The following DNAJB1 variants were observed in gnomAD, a reference collection of about 807,000 sequenced individuals.
DNAJB1 encodes the protein dnaJ homolog subfamily B member 1.
In DNAJB1, 14 loss-of-function variants were observed where a neutral mutation model predicts 24.0. The observed-to-expected ratio is 0.58, with a 90% CI of 0.39 to 0.91. The LOEUF is 0.91. Among genes scored for constraint, DNAJB1 ranks in the 40% least tolerant of loss-of-function variants. DNAJB1 has a pLI of 0.00. For synonymous variants in DNAJB1, 262 were observed against 174.4 expected (o/e 1.50, Z -3.96); for missense variants, 517 against 458.1 (o/e 1.13, Z -1.17).
chr19:14,516,477 T>C lies in DNAJB1; in HGVS notation c.781A>G (p.Ser261Gly), dbSNP rs768852879. Residue 261 changes from serine to glycine, a missense_variant, in exon 2 of 3, where the codon AGC (serine) becomes GGC (glycine). By Grantham distance (56) the Ser-to-Gly change is moderately conservative. Coordinates refer to ENST00000254322, the MANE Select transcript of DNAJB1 (RefSeq NM_006145.3). ...ACCTGGCACCTTACCTCCCGGAGGCTGATCCTGGCAGGATAAATGACATCA... is the reference window on the plus strand; with the variant it reads ...ACCTGGCACCTTACCTCCCGGAGGCCGATCCTGGCAGGATAAATGACATCA... Reference protein sequence around the residue: ...GSDVIYPARISLREALCGCTV... With the variant: ...GSDVIYPARIGLREALCGCTV... 4 of 1,611,294 alleles carry C rather than the reference T, an allele frequency of 2.5e-6. No homozygotes were observed. The African/African-American group carries it at 4.0e-5, about 16-fold the overall frequency.
intron 1 of DNAJB1, chr19:14,544,993 C>T (rs2073250612): frequency 7.1e-6 from 3 of 424,108 alleles, no homozygotes; most frequent in Non-Finnish European, 4.8e-6. Flanking sequence ...CCTTTTCACT[C>T]CTTCCCTTCT....
chr19:14,516,417 A>G (rs1299724969), intron 2 of DNAJB1, 49 bp downstream of exon 2: 40 of 1,568,706 alleles, frequency 2.5e-5, no homozygotes, highest in Admixed American at 7.3e-5. Context: ...AAACTGCTTC[A>G]AAAAGCAGCC....
chr19:14,537,136 A>G (rs2072928741), intron 1 of DNAJB1, among the ~76,000 whole-genome samples: 1 of 122,252 alleles, frequency 8.2e-6, no homozygotes, highest in African/African-American at 3.1e-5. Flanking sequence ...GTTCCTGAGG[A>G]TGAGGAGGTA....
intron 1 of DNAJB1, among the ~76,000 whole-genome samples, chr19:14,541,154 TC>T (rs2146574034): frequency 6.6e-6 from 1 of 152,266 alleles, no homozygotes; most frequent in East Asian, 1.9e-4. Flanking sequence ...AAAGGATTTT[TC>T]TTGGTAGAGA....
In DNAJB1 at chr19:14,515,876, G is replaced by T; in HGVS notation, c.*64C>A. 1 of 1,505,694 alleles carries T rather than the reference G, an allele frequency of 6.6e-7. No individual in the cohort carries two copies. Among genetic ancestry groups the T allele is most frequent in the Non-Finnish European group, 9.1e-7 (1 of 1,099,544 alleles). The allele number at this position is 1,505,694 out of a possible 1,614,324, so 93.3% of individuals were successfully genotyped here. Reference sequence around the variant, plus strand: ...ACCCTCTCATGGTCCACAACTGGTAGAAAGGTCCAGAAATCCTTGAGCTCT... The same window carrying T: ...ACCCTCTCATGGTCCACAACTGGTATAAAGGTCCAGAAATCCTTGAGCTCT... On this transcript the variant is annotated 3_prime_UTR_variant, in exon 3 of 3. Coordinates refer to ENST00000254322, the MANE Select transcript of DNAJB1 (RefSeq NM_006145.3).
At chr19:14,555,336 C>T (rs2073681672), upstream of DNAJB1, among the ~76,000 whole-genome samples, 1 of 149,758 alleles carries the variant, frequency 6.7e-6, no homozygotes, top group Non-Finnish European at 1.5e-5. Context: ...GCAACCTCTG[C>T]CTCCTGGGTT....
chr19:14,558,615 TGTCTGCCC>T (rs1275356842), intron 1 of DNAJB1, among the ~76,000 whole-genome samples: 1 of 152,118 alleles, frequency 6.6e-6, no homozygotes, highest in African/African-American at 2.4e-5. Flanking sequence ...AGTGCCTGCC[TGTCTGCCC>T]GTTCCTGCCC....
At chr19:14,540,401 G>T (rs999564757) in intron 1 of DNAJB1, among the ~76,000 whole-genome samples, 6 of 150,600 alleles carry the variant, frequency 4.0e-5, no homozygotes, top group South Asian at 2.1e-4. Context: ...ATTAAAAAAT[G>T]TGTGTTTTTG....
rs138755994 is a variant in DNAJB1, at chr19:14,529,144, C to G, written c.-175+66G>C. The G allele has an allele frequency of 7.2e-3, 1,328 of 185,290 alleles. 4 individuals carry two copies. The highest frequency in any genetic ancestry group is 0.034 in the Middle Eastern group (12 of 354). The allele number at this position is 185,290 out of a possible 1,614,324, so 11.5% of individuals were successfully genotyped here. A position where few individuals can be genotyped will look rare whatever the true frequency, so the allele number is the denominator to read the frequency against. ...AGTGACCTCCTCGCCAACCAGACTCCGCAGCCCGCGACCCCAGCCCCTAGC... is the reference window on the plus strand; with the variant it reads ...AGTGACCTCCTCGCCAACCAGACTCGGCAGCCCGCGACCCCAGCCCCTAGC... On this transcript the variant is annotated intron_variant, in intron 1 of 3. Transcript: ENST00000396969.
Position 14,516,790 on chromosome 19 carries a change from G to A in DNAJB1, c.468C>T (p.Ala156=), listed in dbSNP as rs768053622. 6.8e-6 allele frequency: 11 copies of A among 1,613,768 alleles called. No homozygotes were observed. The highest frequency in any genetic ancestry group is 9.3e-6 in the Non-Finnish European group (11 of 1,180,020). Residue 156 remains alanine, a synonymous_variant, in exon 2 of 3, where the codon GCC becomes GCT. Coordinates refer to ENST00000254322, the MANE Select transcript of DNAJB1 (RefSeq NM_006145.3). The part of the protein sequence containing the change: ...FGRSRSAQEP[A]RKKQDPPVTH... The stretch of plus-strand genomic sequence containing the variant: ...TGACTGGGGGATCTTGCTTCTTTCG[G>A]GCGGGCTCTTGGGCAGAGCGGGAGC...
upstream of DNAJB1, among the ~76,000 whole-genome samples, chr19:14,519,196 C>T (rs945615383): frequency 2.0e-5 from 3 of 152,130 alleles, no homozygotes; most frequent in Admixed American, 1.3e-4. Flanking sequence ...GGTGAAACCC[C>T]ATCTCTGCTA....
intron 1 of DNAJB1, chr19:14,517,314 T>C: frequency 2.3e-6 from 1 of 428,368 alleles, no homozygotes; most frequent in Non-Finnish European, 4.2e-6. Context: ...CTGCCACTCC[T>C]GGACTGACCC....
rs552616419 is a variant in DNAJB1 at position 14,557,857 on chromosome 19, G to A, written c.-2166+2174C>T. On this transcript the variant is annotated intron_variant, in intron 1 of 5. Coordinates refer to the DNAJB1 transcript ENST00000679223. ...TGCAAGCTCTGCCTCCCGGGTTCGC[G>A]CCATTCTCCTGCCTCAGCCTCCCGA... is the stretch of plus-strand genomic sequence containing the variant. 5.9e-5 allele frequency among the ~76,000 whole-genome samples: 9 copies of A among 152,138 alleles called. No homozygotes were observed. In the South Asian group the frequency reaches 1.7e-3, roughly 28 times the overall value.
upstream of DNAJB1, among the ~76,000 whole-genome samples, chr19:14,552,872 T>C (rs2073583769): frequency 6.6e-6 from 1 of 151,916 alleles, no homozygotes; most frequent in African/African-American, 2.4e-5. Flanking sequence ...GAGGCCTGGG[T>C]GGCAGTCTCA....
In DNAJB1 at chr19:14,516,135, C is replaced by T. The variant is rs776746007; in HGVS notation, c.828G>A (p.Leu276=). 1 of 1,613,424 alleles carries T rather than the reference C, an allele frequency of 6.2e-7. No homozygotes were observed. The highest frequency in any genetic ancestry group is 1.7e-5 in the Admixed American group (1 of 59,690). ...LCGCTVNVPT[L]DGRTIPVVFK... ...ATACGACGGGTATCGTCCTGCCGTC[C>T]AGAGTGGGGACGTTCACTGTGCAGC... Residue 276 remains leucine (L), a synonymous_variant, in exon 3 of 3, where the codon CTG becomes CTA. Coordinates refer to ENST00000254322, the MANE Select transcript of DNAJB1 (RefSeq NM_006145.3).
upstream of DNAJB1, among the ~76,000 whole-genome samples, chr19:14,534,326 G>A (rs1210511993): frequency 6.2e-5 from 9 of 146,240 alleles, no homozygotes; most frequent in Admixed American, 2.1e-4. Context: ...AGGTTTCACC[G>A]TGTTAGCCAG....
upstream of DNAJB1, among the ~76,000 whole-genome samples, chr19:14,553,322 C>T (rs1197863343): frequency 2.0e-5 from 3 of 152,154 alleles, no homozygotes; most frequent in Non-Finnish European, 2.9e-5. Flanking sequence ...TGGCACCTCT[C>T]GTCTTGCCAG....
intron 1 of DNAJB1, among the ~76,000 whole-genome samples, chr19:14,543,411 ATATATATATTTTTTTTTTTTTTTTTTTTT>A (rs2073181975): frequency 3.3e-4 from 3 of 9,114 alleles, no homozygotes; most frequent in African/African-American, 7.2e-4. Context: ...ATATATATAT[ATATATATATTTTTTTTTTTTTTTTTTTTT>A]TTTTTTTTTT....
chr19:14,557,699 A>G (rs2073779249), intron 1 of DNAJB1, among the ~76,000 whole-genome samples: 1 of 145,808 alleles, frequency 6.9e-6, no homozygotes, highest in Non-Finnish European at 1.5e-5. Context: ...TAACCCGCCC[A>G]CCTTGGCCTC....
Sources: allele counts gnomAD v4.1 joint callset (sites outside exome capture counted in the v4.1 genomes callset), GRCh38; gene constraint gnomAD v4.1.1; transcripts MANE v1.5; gene names NCBI Gene and HGNC (gene_info 2026-07-23, HGNC 2026-07-21).